SRRM4: variants seen among roughly 807,000 people sequenced by gnomAD.
The protein encoded by SRRM4 is serine/arginine repetitive matrix 4.
A neutral mutation model predicts 68.9 loss-of-function variants in SRRM4; 33 were observed. The observed-to-expected ratio is 0.48, with a 90% CI of 0.36 to 0.64. SRRM4 has a LOEUF of 0.64. SRRM4 is among the 30% of genes least tolerant of loss of function. The pLI is 0.00. For synonymous variants in SRRM4, 318 were observed against 318.8 expected (o/e 1.00, Z 0.03); for missense variants, 817 against 827.1 (o/e 0.99, Z 0.15).
Position 119,105,378 on chromosome 12 carries a change from C to A in SRRM4, c.278+2996C>A, listed in dbSNP as rs556359735. The stretch of plus-strand genomic sequence containing the variant: ...TCAAATGATATTTCTAGTTTTAGAT[C>A]CTTGAGGAATCACCACACTGTCTTC... On this transcript the variant is annotated intron_variant, in intron 2 of 12. Coordinates refer to ENST00000267260, the MANE Select transcript of SRRM4 (RefSeq NM_194286.4). Among the ~76,000 whole-genome samples, 13 of 152,242 alleles carry A rather than the reference C, an allele frequency of 8.5e-5. No individual in the cohort carries two copies. The South Asian group carries it at 2.7e-3, about 32-fold the overall frequency.
At chr12:119,029,759 C>T (rs1294446180) in intron 1 of SRRM4, among the ~76,000 whole-genome samples, 1 of 152,100 alleles carries the variant, frequency 6.6e-6, no homozygotes, top group Middle Eastern at 3.2e-3. Context: ...TGGAACTTGC[C>T]GAATATGCCA....
At chr12:119,095,820 C>T (rs1954040510) in intron 1 of SRRM4, among the ~76,000 whole-genome samples, 1 of 151,524 alleles carries the variant, frequency 6.6e-6, no homozygotes, top group South Asian at 2.1e-4. Context: ...ATTAGCCAAG[C>T]GTGGTGGCAG....
chr12:119,019,438 C>T (rs1953500722), intron 1 of SRRM4, among the ~76,000 whole-genome samples: 2 of 152,066 alleles, frequency 1.3e-5, no homozygotes, highest in Non-Finnish European at 2.9e-5. Flanking sequence ...TGAAGCTTCC[C>T]AGGGCTTGAA....
intron 1 of SRRM4, among the ~76,000 whole-genome samples, chr12:119,076,603 C>T (rs551353961): frequency 3.3e-4 from 51 of 152,240 alleles, no homozygotes; most frequent in African/African-American, 1.2e-3. Context: ...GTAATAAAAG[C>T]GTTTGAGGAG....
In SRRM4 at chr12:119,161,810, C is replaced by T. The variant is rs1034043082; in HGVS notation, c.*5012C>T. The T allele has an allele frequency of 6.6e-6, 1 of 151,942 alleles. No individual in the cohort carries two copies. Among genetic ancestry groups the T allele is most frequent in the Non-Finnish European group, 1.5e-5 (1 of 67,932 alleles). 9.4% of individuals were successfully genotyped at this position (151,942 alleles called of 1,614,324 possible). A position where few individuals can be genotyped will look rare whatever the true frequency, so the allele number is the denominator to read the frequency against. ...ACACTGGTTATCTCCAGGAAAACCTCATTTAGATGGAAATTAATGGAAGAA... is the reference window on the plus strand; with the variant it reads ...ACACTGGTTATCTCCAGGAAAACCTTATTTAGATGGAAATTAATGGAAGAA... On this transcript the variant is annotated 3_prime_UTR_variant, in exon 13 of 13. Transcript: ENST00000267260.
At chr12:119,117,931 A>C (rs2136050351) in intron 4 of SRRM4, among the ~76,000 whole-genome samples, 1 of 152,160 alleles carries the variant, frequency 6.6e-6, no homozygotes, top group Middle Eastern at 3.4e-3. Context: ...AAACAAACAA[A>C]CAAACAAAGG....
chr12:119,081,199 T>C (rs975780687), intron 1 of SRRM4, among the ~76,000 whole-genome samples: 4 of 152,090 alleles, frequency 2.6e-5, no homozygotes, highest in African/African-American at 9.7e-5. Flanking sequence ...AATATGTAAA[T>C]GATCATATTA....
At chr12:119,133,053 T>C (rs1415137404) in intron 8 of SRRM4, 1 of 152,136 alleles carries the variant, frequency 6.6e-6, no homozygotes, top group African/African-American at 2.4e-5. Flanking sequence ...ACTTGACAAA[T>C]AATATGATGA....
chr12:119,156,438 G>A (rs1470354225), intron 12 of SRRM4, 57 bp from the exon 13 acceptor site: 12 of 1,511,564 alleles, frequency 7.9e-6, no homozygotes, highest in Admixed American at 2.2e-5. Flanking sequence ...ACTGGGGCTC[G>A]CTGCGGGGAG....
intron 1 of SRRM4, among the ~76,000 whole-genome samples, chr12:119,101,060 T>C (rs1954075230): frequency 1.3e-5 from 2 of 152,166 alleles, no homozygotes; most frequent in African/African-American, 4.8e-5. Flanking sequence ...TTAGAAGCCC[T>C]AAGGAGCAGG....
At chr12:119,065,563 C>T (rs1290517879) in intron 1 of SRRM4, among the ~76,000 whole-genome samples, 4 of 152,048 alleles carry the variant, frequency 2.6e-5, no homozygotes, top group Non-Finnish European at 5.9e-5. Flanking sequence ...AGTGAAACCC[C>T]GTCTCTACTA....
In SRRM4 at chr12:119,156,964, G is replaced by C. The variant is rs1040479562; in HGVS notation, c.*166G>C. The C allele has an allele frequency of 1.2e-6, 1 of 831,384 alleles. No individual in the cohort carries two copies. The highest frequency in any genetic ancestry group is 1.8e-6 in the Non-Finnish European group (1 of 553,308). The allele number at this position is 831,384 out of a possible 1,614,324, so 51.5% of individuals were successfully genotyped here. A position where few individuals can be genotyped will look rare whatever the true frequency, so the allele number is the denominator to read the frequency against. On this transcript the variant is annotated 3_prime_UTR_variant, in exon 13 of 13. Transcript: ENST00000267260. ...GAGGGTAAGGGGGCTTCACTCTCTA[G>C]ATCAGCCTGCTAGGAGCCTCTACCA...
intron 1 of SRRM4, among the ~76,000 whole-genome samples, chr12:119,079,086 G>A (rs1374510580): frequency 6.6e-6 from 1 of 152,190 alleles, no homozygotes; most frequent in African/African-American, 2.4e-5. Context: ...AGGAGGATGT[G>A]ATGCAGGTGT....
At chr12:119,104,129 T>A (rs1387373830) in intron 2 of SRRM4, among the ~76,000 whole-genome samples, 1 of 152,210 alleles carries the variant, frequency 6.6e-6, no homozygotes, top group Non-Finnish European at 1.5e-5. Context: ...TGTTCACAGC[T>A]ATAAAATGGG....
rs774052152 is a variant in SRRM4 at position 119,145,362 on chromosome 12, C to T, written c.772-19C>T. 5.7e-5 allele frequency: 91 copies of T among 1,591,804 alleles called. 1 individual carries two copies. The highest frequency in any genetic ancestry group is 2.3e-4 in the Admixed American group (13 of 56,730). ...GGGCCCAGCGCTCAGCAGTGTCCAA[C>T]GGGTCTTTTTGCTTTCAGATCACTG... On this transcript the variant is annotated intron_variant, in intron 8 of 12. Coordinates refer to ENST00000267260, the MANE Select transcript of SRRM4 (RefSeq NM_194286.4).
intron 7 of SRRM4, among the ~76,000 whole-genome samples, chr12:119,130,289 CAGATGGAT>C (rs1395541764): frequency 7.3e-6 from 1 of 137,844 alleles, no homozygotes; most frequent in African/African-American, 2.7e-5. Context: ...GTTGCTTAGA[CAGATGGAT>C]GGATGGATGG....
rs567131672 is a variant in SRRM4 at position 119,099,052 on chromosome 12, G to C, written c.132-3184G>C. Among the ~76,000 whole-genome samples the C allele has an allele frequency of 1.1e-4, 16 of 152,054 alleles. No homozygotes were observed. The South Asian group carries it at 1.5e-3, about 14-fold the overall frequency. On this transcript the variant is annotated intron_variant, in intron 1 of 12. Coordinates refer to ENST00000267260, the MANE Select transcript of SRRM4 (RefSeq NM_194286.4). ...TCTTCTCCCATCTCAGCTACAGAGAGCCCCAAAGGTCTTCCCATGACCTGA... is the reference window on the plus strand; with the variant it reads ...TCTTCTCCCATCTCAGCTACAGAGACCCCCAAAGGTCTTCCCATGACCTGA...
intron 1 of SRRM4, among the ~76,000 whole-genome samples, chr12:119,000,452 C>A (rs185589075): frequency 1.3e-5 from 2 of 152,198 alleles, no homozygotes; most frequent in Admixed American, 1.3e-4. Flanking sequence ...GACCCGTGAA[C>A]TTTCCAATAC....
intron 8 of SRRM4, among the ~76,000 whole-genome samples, chr12:119,131,198 G>T (rs1204093975): frequency 6.6e-6 from 1 of 152,216 alleles, no homozygotes; most frequent in African/African-American, 2.4e-5. Context: ...AGGGCTCTTT[G>T]ACATAACAGA....
Sources: allele counts gnomAD v4.1 joint callset (sites outside exome capture counted in the v4.1 genomes callset), GRCh38; gene constraint gnomAD v4.1.1; transcripts MANE v1.5; gene names NCBI Gene and HGNC (gene_info 2026-07-23, HGNC 2026-07-21).